Variants in NKAIN2 observed in about 807,000 individuals in gnomAD.
The protein encoded by NKAIN2 is sodium/potassium-transporting ATPase subunit beta-1-interacting protein 2.
A neutral mutation model predicts 32.6 loss-of-function variants in NKAIN2; 14 were observed. The ratio of observed to expected loss-of-function variants is 0.43; its 90% CI spans 0.28 to 0.67. The LOEUF is 0.67. NKAIN2 is among the 30% of genes least tolerant of loss of function. The pLI is 0.17. For missense variants in NKAIN2, 198 were observed against 258.3 expected (o/e 0.77, Z 1.60); for synonymous variants, 80 against 87.2 (o/e 0.92, Z 0.46).
intron 1 of NKAIN2, among the ~76,000 whole-genome samples, chr6:124,185,996 G>GA (rs200379479): frequency 0.038 from 5,694 of 151,758 alleles, 346 homozygotes; most frequent in African/African-American, 0.13. Context: ...TAGAAGCTCG[G>GA]AAAAAAGAAA....
chr6:123,959,388 G>A (rs1376727751), intron 1 of NKAIN2, among the ~76,000 whole-genome samples: 1 of 152,144 alleles, frequency 6.6e-6, no homozygotes, highest in Non-Finnish European at 1.5e-5. Context: ...ACTCTGCCAG[G>A]AGTCCTTCAG....
chr6:124,274,699 ATAT>A lies in NKAIN2; in HGVS notation c.55-8301_55-8299del, dbSNP rs1794945180. ...TAAAAGTAAGCATTAACTTAAAAACATATTATTTATTGTAGTGTACAGAATATA... is the reference window on the plus strand; with the variant it reads ...TAAAAGTAAGCATTAACTTAAAAACATATTTATTGTAGTGTACAGAATATA... On this transcript the variant is annotated intron_variant, in intron 1 of 6. Coordinates refer to ENST00000368417, the MANE Select transcript of NKAIN2 (RefSeq NM_001040214.3). Among the ~76,000 whole-genome samples, 3 of 152,258 alleles carry A rather than the reference ATAT, an allele frequency of 2.0e-5. No individual in the cohort carries two copies. The South Asian group carries it at 6.2e-4, about 32-fold the overall frequency.
intron 3 of NKAIN2, among the ~76,000 whole-genome samples, chr6:124,391,389 G>A (rs1773135298): frequency 6.6e-6 from 1 of 152,126 alleles, no homozygotes; most frequent in Non-Finnish European, 1.5e-5. Context: ...AATTTGGTAT[G>A]ATAGGACCTT....
At chr6:124,677,875 T>C (rs868067208) in intron 4 of NKAIN2, among the ~76,000 whole-genome samples, 2 of 152,164 alleles carry the variant, frequency 1.3e-5, no homozygotes, top group Admixed American at 1.3e-4. Context: ...GGACTTCCTT[T>C]AACCTTTCTT....
intron 3 of NKAIN2, among the ~76,000 whole-genome samples, chr6:124,479,896 A>C (rs529804748): frequency 6.7e-4 from 102 of 152,318 alleles, no homozygotes; most frequent in African/African-American, 2.4e-3. Flanking sequence ...TATTAGACCT[A>C]ATTAGAAATA....
At chr6:124,174,698 A>G (rs1331643794) in intron 1 of NKAIN2, among the ~76,000 whole-genome samples, 2 of 152,170 alleles carry the variant, frequency 1.3e-5, no homozygotes, top group Non-Finnish European at 2.9e-5. Context: ...GGTCAGGCCT[A>G]AAAGAAGGCA....
intron 1 of NKAIN2, among the ~76,000 whole-genome samples, chr6:123,949,508 G>T (rs900540033): frequency 6.6e-6 from 1 of 151,780 alleles, no homozygotes; most frequent in African/African-American, 2.4e-5. Context: ...CCTTATAGAG[G>T]TCTTTCACCC....
intron 1 of NKAIN2, among the ~76,000 whole-genome samples, chr6:123,846,330 G>T (rs1225118924): frequency 1.3e-5 from 2 of 152,170 alleles, no homozygotes; most frequent in African/African-American, 4.8e-5. Flanking sequence ...CAAATAGGTT[G>T]TGCTTTTGCC....
At chr6:124,244,573 A>T (rs1247196816) in intron 1 of NKAIN2, among the ~76,000 whole-genome samples, 2 of 152,004 alleles carry the variant, frequency 1.3e-5, no homozygotes. Context: ...AGCCGAGATG[A>T]TATACCTAAA....
chr6:124,698,572 T>C (rs766391857), intron 4 of NKAIN2, among the ~76,000 whole-genome samples: 29 of 152,316 alleles, frequency 1.9e-4, no homozygotes, highest in Admixed American at 9.8e-4. Flanking sequence ...CAGTGTATCT[T>C]AGATTTACAA....
At chr6:123,850,164 G>A (rs1453683750) in intron 1 of NKAIN2, among the ~76,000 whole-genome samples, 1 of 150,892 alleles carries the variant, frequency 6.6e-6, no homozygotes, top group Non-Finnish European at 1.5e-5. Flanking sequence ...AATCCTTTGG[G>A]ATGTGATCAG....
chr6:123,938,557 TA>T (rs1312508961), intron 1 of NKAIN2, among the ~76,000 whole-genome samples: 8 of 138,660 alleles, frequency 5.8e-5, no homozygotes, highest in Non-Finnish European at 1.2e-4. Context: ...TATATTTATA[TA>T]TTTTTATATA....
At chr6:124,658,547 C>A in intron 4 of NKAIN2, 161 bp downstream of exon 4, 5 of 1,458,914 alleles carry the variant, frequency 3.4e-6, no homozygotes, top group African/African-American at 1.4e-5. Flanking sequence ...TTAAACTAAA[C>A]CATCCTCTGG....
At chr6:124,437,651 A>C (rs1775506122) in intron 3 of NKAIN2, among the ~76,000 whole-genome samples, 1 of 152,092 alleles carries the variant, frequency 6.6e-6, no homozygotes, top group Admixed American at 6.6e-5. Flanking sequence ...CCTCCCCATA[A>C]AGCTCACAGT....
intron 3 of NKAIN2, among the ~76,000 whole-genome samples, chr6:124,363,408 A>AC (rs1799380226): frequency 6.6e-6 from 1 of 152,104 alleles, no homozygotes; most frequent in Non-Finnish European, 1.5e-5. Flanking sequence ...CAGGCTTTAC[A>AC]CCCTGTTGAA....
intron 5 of NKAIN2, among the ~76,000 whole-genome samples, chr6:124,797,834 T>C (rs1780070390): frequency 6.6e-6 from 1 of 152,092 alleles, no homozygotes; most frequent in African/African-American, 2.4e-5. Context: ...GGAAAACTAT[T>C]TCCCCTTGAA....
intron 6 of NKAIN2, among the ~76,000 whole-genome samples, chr6:124,822,733 A>G (rs1002390181): frequency 1.3e-5 from 2 of 152,116 alleles, no homozygotes; most frequent in Admixed American, 1.3e-4. Flanking sequence ...TTGCTGCACA[A>G]AAAAAATCCC....
intron 3 of NKAIN2, among the ~76,000 whole-genome samples, chr6:124,378,583 G>A (rs577721801): frequency 3.0e-4 from 46 of 152,238 alleles, no homozygotes; most frequent in African/African-American, 1.1e-3. Context: ...TGAGAAAGTG[G>A]GGAGAATTGG....
intron 5 of NKAIN2, among the ~76,000 whole-genome samples, chr6:124,818,060 A>G (rs1429555029): frequency 2.0e-5 from 3 of 152,194 alleles, no homozygotes; most frequent in African/African-American, 4.8e-5. Flanking sequence ...CCAAAAAGGC[A>G]TATAGCATCT....
Sources: gnomAD v4.1 joint callset for allele counts (sites outside exome capture counted in the v4.1 genomes callset) on GRCh38, gnomAD v4.1.1 for gene constraint, MANE v1.5 for transcripts, NCBI Gene and HGNC (gene_info 2026-07-23, HGNC 2026-07-21) for gene names.